Variants in RABGAP1L observed in about 807,000 individuals in gnomAD.
The protein encoded by RABGAP1L is rab GTPase-activating protein 1-like.
RABGAP1L carries 63 observed loss-of-function variants against 137.7 expected under a neutral mutation model. That is an observed-to-expected ratio of 0.46 (90% CI 0.37 to 0.56). The LOEUF (loss-of-function observed/expected upper bound fraction) is 0.56. Among genes scored for constraint, RABGAP1L ranks in the 20% least tolerant of loss-of-function variants. RABGAP1L has a pLI of 0.00. For missense variants in RABGAP1L, 1,095 were observed against 1,244.0 expected (o/e 0.88, Z 1.80); for synonymous variants, 431 against 433.7 (o/e 0.99, Z 0.08).
At chr1:174,406,163 AC>A (rs1649244440) in intron 13 of RABGAP1L, among the ~76,000 whole-genome samples, 1 of 152,086 alleles carries the variant, frequency 6.6e-6, no homozygotes, top group Admixed American at 6.5e-5. Context: ...TCTTTCATTT[AC>A]TGTCTGTCTA....
At chr1:174,306,986 CATA>C (rs1409061583) in intron 11 of RABGAP1L, among the ~76,000 whole-genome samples, 4 of 152,268 alleles carry the variant, frequency 2.6e-5, no homozygotes, top group East Asian at 3.9e-4. Context: ...TTGCCATAAA[CATA>C]ATAATTATTT....
intron 11 of RABGAP1L, among the ~76,000 whole-genome samples, chr1:174,349,614 G>A (rs1370181024): frequency 2.8e-5 from 4 of 141,850 alleles, no homozygotes. Flanking sequence ...TCCCGGATGG[G>A]GCGGCTGGCC....
intron 18 of RABGAP1L, among the ~76,000 whole-genome samples, chr1:174,769,858 A>T (rs944472175): frequency 6.6e-6 from 1 of 152,156 alleles, no homozygotes; most frequent in Non-Finnish European, 1.5e-5. Context: ...GTCTCAAAAA[A>T]AAAAGAAAGA....
At chr1:174,750,024 C>T (rs963979744) in intron 17 of RABGAP1L, among the ~76,000 whole-genome samples, 2 of 152,102 alleles carry the variant, frequency 1.3e-5, no homozygotes, top group Non-Finnish European at 2.9e-5. Flanking sequence ...CGCCTGCCAC[C>T]ACGCCCGGCT....
chr1:174,636,460 G>A (rs552820113), intron 13 of RABGAP1L, among the ~76,000 whole-genome samples: 23 of 151,772 alleles, frequency 1.5e-4, no homozygotes, highest in South Asian at 8.4e-4. Flanking sequence ...CCCGGGAGGC[G>A]GAGGTTGCGG....
intron 11 of RABGAP1L, among the ~76,000 whole-genome samples, chr1:174,318,636 T>TTTC (rs1558128042): frequency 3.2e-5 from 4 of 125,570 alleles, no homozygotes; most frequent in Non-Finnish European, 6.9e-5. Flanking sequence ...TTCTTTCTTT[T>TTTC]TCTTTCTTTT....
intron 9 of RABGAP1L, among the ~76,000 whole-genome samples, chr1:174,277,158 CACAT>C (rs1339956818): frequency 6.6e-6 from 1 of 151,894 alleles, no homozygotes; most frequent in East Asian, 1.9e-4. Flanking sequence ...TTATATAAAT[CACAT>C]ACATTGATCA....
At chr1:174,503,980 T>G (rs1661581585) in intron 13 of RABGAP1L, among the ~76,000 whole-genome samples, 2 of 119,162 alleles carry the variant, frequency 1.7e-5, no homozygotes, top group South Asian at 6.3e-4. Flanking sequence ...TTTTCTTTTC[T>G]TTTTTTTTTT....
chr1:174,643,922 T>G (rs978327989), intron 14 of RABGAP1L, among the ~76,000 whole-genome samples: 1 of 130,796 alleles, frequency 7.6e-6, no homozygotes, highest in Non-Finnish European at 1.5e-5. Flanking sequence ...TAGGGGTGTG[T>G]GTGTGTGTGT....
intron 10 of RABGAP1L, among the ~76,000 whole-genome samples, chr1:174,285,920 A>G (rs1055966838): frequency 1.3e-5 from 2 of 152,156 alleles, no homozygotes; most frequent in African/African-American, 2.4e-5. Context: ...CTTGCACCCC[A>G]GGGATGAATA....
intron 13 of RABGAP1L, among the ~76,000 whole-genome samples, chr1:174,552,731 G>A (rs1367036680): frequency 6.6e-6 from 1 of 152,118 alleles, no homozygotes; most frequent in East Asian, 1.9e-4. Context: ...ATTCCTCCGG[G>A]TATATACTCA....
intron 10 of RABGAP1L, among the ~76,000 whole-genome samples, chr1:174,300,212 G>C (rs1677539536): frequency 6.6e-6 from 1 of 152,052 alleles, no homozygotes; most frequent in South Asian, 2.1e-4. Flanking sequence ...GACACTTCAG[G>C]GTCCCCTGAA....
intron 11 of RABGAP1L, 53 bp downstream of exon 11, chr1:174,305,180 C>G: frequency 6.9e-7 from 1 of 1,450,114 alleles, no homozygotes; most frequent in Non-Finnish European, 9.1e-7. Flanking sequence ...GCTTTACTTA[C>G]AATCTTCAGA....
intron 12 of RABGAP1L, among the ~76,000 whole-genome samples, chr1:174,371,332 G>A (rs565846607): frequency 1.1e-4 from 16 of 151,832 alleles, no homozygotes; most frequent in Non-Finnish European, 2.1e-4. Flanking sequence ...CACTCAGACC[G>A]TATTATTTGT....
rs150382298 is a variant in RABGAP1L at position 174,344,415 on chromosome 1, C to T, written c.1466-26564C>T. ...AAGGTCTGCGGCTACACAAAGTCTA[C>T]TTCTTTAGGGACCTTGTGTCTAGGA... On this transcript the variant is annotated intron_variant, in intron 11 of 25. Coordinates refer to ENST00000681986, the MANE Select transcript of RABGAP1L (RefSeq NM_001366446.1). Among the ~76,000 whole-genome samples the T allele has an allele frequency of 1.2e-3, 179 of 152,250 alleles. 1 individual carries two copies. The highest frequency in any genetic ancestry group is 4.2e-3 in the African/African-American group (174 of 41,548).
At chr1:174,179,861 T>A (rs551318555) in intron 1 of RABGAP1L, among the ~76,000 whole-genome samples, 1 of 152,336 alleles carries the variant, frequency 6.6e-6, no homozygotes, top group Admixed American at 6.5e-5. Context: ...CAATTTGTTG[T>A]TCAATGTTAC....
intron 19 of RABGAP1L, among the ~76,000 whole-genome samples, chr1:174,950,489 T>C (rs1326240323): frequency 6.6e-6 from 1 of 152,186 alleles, no homozygotes; most frequent in Non-Finnish European, 1.5e-5. Flanking sequence ...ATGGATGCCT[T>C]CTCCTGATTC....
intron 19 of RABGAP1L, among the ~76,000 whole-genome samples, chr1:174,873,514 T>C (rs1300404435): frequency 3.3e-5 from 5 of 150,950 alleles, no homozygotes; most frequent in East Asian, 2.0e-4. Context: ...GAGATAATTT[T>C]TTTTTTTTTT....
chr1:174,743,235 TAAG>T (rs975142305), intron 17 of RABGAP1L, among the ~76,000 whole-genome samples: 1 of 151,978 alleles, frequency 6.6e-6, no homozygotes, highest in African/African-American at 2.4e-5. Context: ...TAGAGAGGGG[TAAG>T]GAAGCAATTA....
Sources: gnomAD v4.1 joint callset for allele counts (sites outside exome capture counted in the v4.1 genomes callset) on GRCh38, gnomAD v4.1.1 for gene constraint, MANE v1.5 for transcripts, NCBI Gene and HGNC (gene_info 2026-07-23, HGNC 2026-07-21) for gene names.